POLQ: variants seen among roughly 807,000 people sequenced by gnomAD.
POLQ encodes DNA polymerase theta.
Under a neutral mutation model 259.2 loss-of-function variants are expected in POLQ, and 233 were observed. The observed-to-expected ratio is 0.90, with a 90% CI of 0.81 to 1.00. The LOEUF (loss-of-function observed/expected upper bound fraction) is 1.00, where lower values mean the gene tolerates loss of function less well. POLQ is among the 50% of genes least tolerant of loss of function. The probability of loss-of-function intolerance (pLI) is 0.00; values close to 1 mark genes in which losing one functional copy is unlikely to be tolerated. For missense variants in POLQ, 2,871 were observed against 3,051.6 expected, an observed-to-expected ratio of 0.94 and a Z score of 1.39; for synonymous variants, 1,025 against 1,048.8, an observed-to-expected ratio of 0.98 and a Z score of 0.44.
chr3:121,444,153 G>C (rs992805742), intron 26 of POLQ, among the ~76,000 whole-genome samples: 2 of 151,932 alleles, frequency 1.3e-5, no homozygotes, highest in African/African-American at 4.8e-5. Context: ...TATTTTGATA[G>C]GGAATGCATT....
intron 7 of POLQ, among the ~76,000 whole-genome samples, chr3:121,525,141 A>T (rs1195226038): frequency 6.6e-6 from 1 of 152,108 alleles, no homozygotes; most frequent in Non-Finnish European, 1.5e-5. Flanking sequence ...GGAGATCGAG[A>T]CCATCCTGGC....
chr3:121,490,218 G>GT lies in POLQ; in HGVS notation c.2712dup (p.His905ThrfsTer3). 1.2e-6 allele frequency: 2 copies of GT among 1,614,112 alleles called. No homozygotes were observed. Among genetic ancestry groups the GT allele is most frequent in the Non-Finnish European group, 1.7e-6 (2 of 1,179,958 alleles). On this transcript the variant is annotated frameshift_variant, in exon 16 of 30. Coordinates refer to ENST00000264233, the MANE Select transcript of POLQ (RefSeq NM_199420.4). LOFTEE classifies it high-confidence loss of function. ...TGAGTCAATGAGCATGTACTAGAATGTAACAGGGCACATGGATTCCATTGC... is the reference window on the plus strand; with the variant it reads ...TGAGTCAATGAGCATGTACTAGAATGTTAACAGGGCACATGGATTCCATTGC...
chr3:121,487,774 G>A lies in POLQ; in HGVS notation c.5157C>T (p.Ser1719=). ...TATTACTTTCTTTACGAGGTAAGAG[G>A]GATGAGGTTTCATCATGATTGGCAT... ...ENNANHDETS[S]LLPRKESNIV... The change falls in exon 16 of 30, where the codon TCC becomes TCT. Residue 1719 remains serine, a synonymous_variant. Coordinates refer to ENST00000264233, the MANE Select transcript of POLQ (RefSeq NM_199420.4). 6.2e-7 allele frequency: 1 copy of A among 1,611,140 alleles called. No homozygotes were observed. Among genetic ancestry groups the A allele is most frequent in the Non-Finnish European group, 8.5e-7 (1 of 1,178,268 alleles).
At position 121,545,727 on chromosome 3, in the gene POLQ, C is replaced by T; in HGVS notation, c.151G>A (p.Ala51Thr). ...PPPGLGRCLK[A>T]AAAGECKPTV... ...GTTCCTGGAGCACCTGCAGCTGCGGCCTTCAGGCAGCGACCAAGGCCGGGC... is the reference window on the plus strand; with the variant it reads ...GTTCCTGGAGCACCTGCAGCTGCGGTCTTCAGGCAGCGACCAAGGCCGGGC... Residue 51 changes from alanine (A) to threonine (T), a missense_variant, in exon 1 of 30, where the codon GCC becomes ACC. Ala to Thr is a moderately conservative substitution (Grantham distance 58, BLOSUM62 0). This residue lies in a region of POLQ where 783 missense variants were observed against 906.2 expected (regional missense o/e 0.86). Transcript: ENST00000264233. The T allele has an allele frequency of 6.4e-7, 1 of 1,569,786 alleles. No homozygotes were observed. The highest frequency in any genetic ancestry group is 8.6e-7 in the Non-Finnish European group (1 of 1,158,246).
intron 18 of POLQ, 102 bp from the exon 19 acceptor site, chr3:121,481,914 C>A: frequency 9.7e-7 from 1 of 1,028,950 alleles, no homozygotes. Context: ...TCTAACCTCA[C>A]TCATTTTCAT....
At position 121,518,528 on chromosome 3, in the gene POLQ, G is replaced by A. The variant is rs533117835; in HGVS notation, c.1468+1343C>T. ...ACAAAAGCCCCAGAGGTATTATTTCGGGATTCTGAATAAATTCTGTTAAGG... is the reference window on the plus strand; with the variant it reads ...ACAAAAGCCCCAGAGGTATTATTTCAGGATTCTGAATAAATTCTGTTAAGG... On this transcript the variant is annotated intron_variant, in intron 9 of 29. Transcript: ENST00000264233. 1.2e-4 allele frequency among the ~76,000 whole-genome samples: 18 copies of A among 152,222 alleles called. No individual in the cohort carries two copies. The East Asian group carries it at 2.9e-3, about 24-fold the overall frequency.
At position 121,529,650 on chromosome 3, in the gene POLQ, G is replaced by C. The variant is rs751014055; in HGVS notation, c.1103C>G (p.Ala368Gly). 9.9e-6 allele frequency: 16 copies of C among 1,612,904 alleles called. No individual in the cohort carries two copies. The highest frequency in any genetic ancestry group is 8.8e-5 in the South Asian group (8 of 90,894). ...AREFYNLHHQAEGLVKPSECP... is the reference protein window; with the variant it reads ...AREFYNLHHQGEGLVKPSECP... ...CCTTTCCATCCATAACTCACCCTCA[G>C]CTTGATGATGTAGATTATAAAACTC... Residue 368 changes from alanine (A) to glycine (G), a missense_variant, in exon 7 of 30, where the codon GCT becomes GGT. Coordinates refer to ENST00000264233, the MANE Select transcript of POLQ (RefSeq NM_199420.4).
At chr3:121,459,381 T>C (rs2047771144) in intron 25 of POLQ, among the ~76,000 whole-genome samples, 2 of 146,404 alleles carry the variant, frequency 1.4e-5, no homozygotes, top group African/African-American at 5.0e-5. Context: ...TTTTTTTTTT[T>C]TTTTTTTTTT....
rs543594058 is a variant in POLQ, at chr3:121,432,233, G to A, written c.*71C>T. 4 of 1,399,256 alleles carry A rather than the reference G, an allele frequency of 2.9e-6. No individual in the cohort carries two copies. Among genetic ancestry groups the A allele is most frequent in the Non-Finnish European group, 3.8e-6 (4 of 1,041,564 alleles). The allele number at this position is 1,399,256 out of a possible 1,614,324, so 86.7% of individuals were successfully genotyped here. On this transcript the variant is annotated 3_prime_UTR_variant, in exon 30 of 30. Transcript: ENST00000264233. ...TTTGTTTTGCTGAGGTAGGTGAAAG[G>A]GTAATCTCTGTTCTTTCCAGGTGAC...
At chr3:121,492,879 C>T (rs2048080352) in intron 15 of POLQ, among the ~76,000 whole-genome samples, 2 of 151,150 alleles carry the variant, frequency 1.3e-5, no homozygotes, top group Admixed American at 6.6e-5. Context: ...AACTCCTAAG[C>T]TCAAACAATC....
In POLQ at chr3:121,432,958, T is replaced by C; in HGVS notation, c.7619A>G (p.Asp2540Gly). ...TTCTGCCACTTCATATAGGAGTTCATCATGGAGTTGAAGGATGAAGAAGCC... is the reference window on the plus strand; with the variant it reads ...TTCTGCCACTTCATATAGGAGTTCACCATGGAGTTGAAGGATGAAGAAGCC... ...RGGFFILQLH[D>G]ELLYEVAEED... Residue 2540 changes from aspartate to glycine, a missense_variant, in exon 29 of 30, where the codon GAT becomes GGT. By Grantham distance (94) the Asp-to-Gly change is moderately conservative. Coordinates refer to ENST00000264233, the MANE Select transcript of POLQ (RefSeq NM_199420.4). 1 of 1,610,836 alleles carries C rather than the reference T, an allele frequency of 6.2e-7. No homozygotes were observed. Among genetic ancestry groups the C allele is most frequent in the Non-Finnish European group, 8.5e-7 (1 of 1,177,040 alleles).
At chr3:121,519,534 G>A (rs2048323096) in intron 9 of POLQ, among the ~76,000 whole-genome samples, 2 of 150,398 alleles carry the variant, frequency 1.3e-5, no homozygotes, top group Admixed American at 6.6e-5. Flanking sequence ...AAATTAGCCG[G>A]GCATGGTGGC....
intron 25 of POLQ, among the ~76,000 whole-genome samples, chr3:121,452,817 A>C (rs2047690907): frequency 6.6e-6 from 1 of 152,214 alleles, no homozygotes; most frequent in Non-Finnish European, 1.5e-5. Context: ...CAGGGCACAG[A>C]AAAACAAAAA....
At chr3:121,466,363 CAAAAAAAAAAAAAA>C (rs751087085) in intron 24 of POLQ, among the ~76,000 whole-genome samples, 1 of 94,156 alleles carries the variant, frequency 1.1e-5, no homozygotes, top group Admixed American at 1.1e-4. Context: ...GACTCCGTCT[CAAAAAAAAAAAAAA>C]AAAAAGAAAG....
intron 9 of POLQ, among the ~76,000 whole-genome samples, chr3:121,519,630 C>T (rs1341925206): frequency 4.1e-5 from 6 of 145,778 alleles, no homozygotes; most frequent in Admixed American, 6.9e-5. Context: ...GGGCCAAGAT[C>T]GCGCCACTGC....
chr3:121,490,087 AT>A lies in POLQ; in HGVS notation c.2843del (p.Tyr948LeufsTer8), dbSNP rs767737289. On this transcript the variant is annotated frameshift_variant, in exon 16 of 30. Transcript: ENST00000264233. LOFTEE classifies it high-confidence loss of function. ...NKSNTIFSDS[Y>X]IKHSPNIVQD... Reference sequence around the variant, plus strand: ...GCACTATATTTGGTGAATGCTTAATATAAGAATCACTAAATATTGTGTTACT... The same window carrying A: ...GCACTATATTTGGTGAATGCTTAATAAAGAATCACTAAATATTGTGTTACT... The A allele has an allele frequency of 1.4e-5, 23 of 1,591,210 alleles. No individual in the cohort carries two copies. Among genetic ancestry groups the A allele is most frequent in the Middle Eastern group, 1.7e-4 (1 of 5,960 alleles).
Position 121,488,029 on chromosome 3 carries a change from T to C in POLQ, c.4902A>G (p.Ala1634=), listed in dbSNP as rs2108797609. The C allele has an allele frequency of 6.2e-7, 1 of 1,613,938 alleles. No homozygotes were observed. The highest frequency in any genetic ancestry group is 8.5e-7 in the Non-Finnish European group (1 of 1,179,878). The change falls in exon 16 of 30, where the codon GCA becomes GCG. Residue 1634 remains alanine (A), a synonymous_variant. Coordinates refer to ENST00000264233, the MANE Select transcript of POLQ (RefSeq NM_199420.4). ...GCAGTCCTGGACTTAGATCAAATGA[T>C]GCCCCTGACCATATGAATGAATGAT... ...RQNHSFIWSG[A]SFDLSPGLQR...
At chr3:121,476,382 G>C (rs897786549) in intron 20 of POLQ, among the ~76,000 whole-genome samples, 158 bp downstream of exon 20, 5 of 151,680 alleles carry the variant, frequency 3.3e-5, no homozygotes, top group African/African-American at 1.2e-4. Flanking sequence ...TTACAAATTA[G>C]ATGCTAGAAT....
chr3:121,436,075 CA>C lies in POLQ; in HGVS notation c.7543+46del, dbSNP rs765081945. 3 of 1,443,094 alleles carry C rather than the reference CA, an allele frequency of 2.1e-6. No individual in the cohort carries two copies. The Admixed American group carries it at 5.7e-5, about 28-fold the overall frequency. The allele number at this position is 1,443,094 out of a possible 1,614,324, so 89.4% of individuals were successfully genotyped here. On this transcript the variant is annotated intron_variant, in intron 28 of 29. Coordinates refer to ENST00000264233, the MANE Select transcript of POLQ (RefSeq NM_199420.4). ...ATACTTCCCATTTACATTTCTGATA[CA>C]ATTATTCTCATCATGTTACAGCACA...
Sources: allele counts gnomAD v4.1 joint callset (sites outside exome capture counted in the v4.1 genomes callset), GRCh38; gene constraint gnomAD v4.1.1; regional missense constraint gnomAD v4.1.1; transcripts MANE v1.5; gene names NCBI Gene and HGNC (gene_info 2026-07-23, HGNC 2026-07-21).